Variants in SAMD5 observed in about 807,000 individuals in gnomAD.
SAMD5 encodes sterile alpha motif domain-containing protein 5.
In SAMD5, 13 loss-of-function variants were observed where a neutral mutation model predicts 11.3. That is an observed-to-expected ratio of 1.15 (90% CI 0.75 to 1.83). The LOEUF is 1.83. Ranked by LOEUF, SAMD5 falls within the 40% of genes most tolerant of loss-of-function variation. The pLI, the probability that SAMD5 is intolerant of heterozygous loss-of-function variation, is 0.00. For missense variants in SAMD5, 255 were observed against 239.1 expected, an observed-to-expected ratio of 1.07 and a Z score of -0.44; for synonymous variants, 129 against 111.3, an observed-to-expected ratio of 1.16 and a Z score of -1.00.
chr6:147,606,973 A>AG (rs1218221637), intron 1 of SAMD5, among the ~76,000 whole-genome samples: 7 of 150,854 alleles, frequency 4.6e-5, no homozygotes, highest in African/African-American at 1.7e-4. Flanking sequence ...CAAAAAAAAA[A>AG]AAAAACAGAA....
the SAMD5 span, among the ~76,000 whole-genome samples, chr6:147,920,335 T>C: frequency 1.3e-5 from 2 of 152,202 alleles, no homozygotes; most frequent in Non-Finnish European, 2.9e-5. Context: ...AGACTCAAAG[T>C]TCTATAGCTT....
At chr6:147,879,380 T>C in the SAMD5 span, among the ~76,000 whole-genome samples, 1 of 152,112 alleles carries the variant, frequency 6.6e-6, no homozygotes, top group Non-Finnish European at 1.5e-5. Flanking sequence ...GACAGATAGC[T>C]GCAACTCTGT....
intron 1 of SAMD5, among the ~76,000 whole-genome samples, chr6:147,606,255 G>A (rs1789698049): frequency 6.6e-6 from 1 of 152,146 alleles, no homozygotes; most frequent in Non-Finnish European, 1.5e-5. Flanking sequence ...GTGGCCTTCA[G>A]TGACTTTGGT....
At chr6:147,687,401 C>T (rs543947147) in intron 1 of SAMD5, among the ~76,000 whole-genome samples, 25 of 151,186 alleles carry the variant, frequency 1.7e-4, no homozygotes, top group Non-Finnish European at 2.2e-4. Context: ...CTCAGCCTCC[C>T]GAGTAGCTGG....
chr6:147,592,090 C>A (rs551458157), intron 1 of SAMD5, among the ~76,000 whole-genome samples: 1 of 152,108 alleles, frequency 6.6e-6, no homozygotes, highest in African/African-American at 2.4e-5. Flanking sequence ...TGGGCTCAAG[C>A]GATCCTCCAG....
chr6:147,615,859 G>A lies in SAMD5; in HGVS notation c.162+106472G>A, dbSNP rs1408447587. On this transcript the variant is annotated intron_variant, in intron 1 of 1. Transcript: ENST00000566741. ...TAACCACAGTTTGAAATATACCAAA[G>A]ACATAAATTCCTTTACTATGATTCT... is the stretch of plus-strand genomic sequence containing the variant. Among the ~76,000 whole-genome samples the A allele has an allele frequency of 2.0e-5, 3 of 152,218 alleles. No individual in the cohort carries two copies. In the East Asian group the frequency reaches 5.8e-4, roughly 29 times the overall value.
chr6:147,889,148 A>G, the SAMD5 span, among the ~76,000 whole-genome samples: 1 of 152,062 alleles, frequency 6.6e-6, no homozygotes, highest in Non-Finnish European at 1.5e-5. Flanking sequence ...TCCTTAGCTC[A>G]TGGATGTTGT....
intron 1 of SAMD5, among the ~76,000 whole-genome samples, chr6:147,669,420 C>CTTTT (rs55877273): frequency 2.3e-3 from 175 of 74,496 alleles, no homozygotes; most frequent in African/African-American, 5.3e-3. Flanking sequence ...AGCTCCACTT[C>CTTTT]TTTTTTTTTT....
At position 147,580,224 on chromosome 6, in the gene SAMD5, G is replaced by A. The variant is rs187438387; in HGVS notation, c.162+70837G>A. Among the ~76,000 whole-genome samples the A allele has an allele frequency of 3.3e-5, 5 of 152,324 alleles. No individual in the cohort carries two copies. In the East Asian group the frequency reaches 9.6e-4, roughly 29 times the overall value. Reference sequence around the variant, plus strand: ...TCAGGTCTTCCAGGAGGGCAGTAGTGTAACCTGAGAAAGAACCAGAGAATG... The same window carrying A: ...TCAGGTCTTCCAGGAGGGCAGTAGTATAACCTGAGAAAGAACCAGAGAATG... On this transcript the variant is annotated intron_variant, in intron 1 of 1. Coordinates refer to the SAMD5 transcript ENST00000566741.
the SAMD5 span, among the ~76,000 whole-genome samples, chr6:147,907,223 A>G: frequency 6.6e-6 from 1 of 152,170 alleles, no homozygotes; most frequent in Non-Finnish European, 1.5e-5. Context: ...GGCAGGGTAC[A>G]TTGGCTCATG....
chr6:147,748,768 T>C, the SAMD5 span, among the ~76,000 whole-genome samples: 7 of 152,354 alleles, frequency 4.6e-5, no homozygotes, highest in South Asian at 4.1e-4. Flanking sequence ...TGATGGACAG[T>C]AATTCCCTAA....
intron 1 of SAMD5, among the ~76,000 whole-genome samples, chr6:147,652,667 G>C (rs1790502976): frequency 6.6e-6 from 1 of 152,086 alleles, no homozygotes; most frequent in African/African-American, 2.4e-5. Flanking sequence ...CACAAGTATT[G>C]GGCTAGATTG....
At chr6:147,552,991 G>C (rs1788798431) in intron 1 of SAMD5, among the ~76,000 whole-genome samples, 1 of 152,148 alleles carries the variant, frequency 6.6e-6, no homozygotes, top group African/African-American at 2.4e-5. Context: ...AAGTATCTAT[G>C]CCTCCTTAGG....
At chr6:147,827,819 T>C in the SAMD5 span, among the ~76,000 whole-genome samples, 4 of 151,992 alleles carry the variant, frequency 2.6e-5, no homozygotes, top group Non-Finnish European at 5.9e-5. Context: ...AGACGGAGTC[T>C]CGCTCTGTGG....
downstream of SAMD5, among the ~76,000 whole-genome samples, chr6:147,737,858 C>T (rs1036678191): frequency 6.6e-6 from 1 of 151,234 alleles, no homozygotes; most frequent in Admixed American, 6.6e-5. Context: ...CTGCACAAGC[C>T]AGGACATCGG....
intron 1 of SAMD5, among the ~76,000 whole-genome samples, chr6:147,515,693 A>G (rs1788159855): frequency 2.0e-5 from 3 of 152,142 alleles, no homozygotes; most frequent in Admixed American, 2.0e-4. Flanking sequence ...ATTGCAAGGA[A>G]CTAGACAGAC....
the SAMD5 span, among the ~76,000 whole-genome samples, chr6:147,952,033 T>C: frequency 6.6e-6 from 1 of 152,156 alleles, no homozygotes; most frequent in Non-Finnish European, 1.5e-5. Flanking sequence ...TAGAAATTGG[T>C]TTTGGTGAGA....
chr6:147,560,402 T>C (rs377171731), intron 1 of SAMD5, among the ~76,000 whole-genome samples: 29 of 152,338 alleles, frequency 1.9e-4, no homozygotes, highest in Non-Finnish European at 3.5e-4. Flanking sequence ...ACACTCCTAC[T>C]GTCATCAATT....
chr6:147,820,916 A>G, the SAMD5 span, among the ~76,000 whole-genome samples: 1 of 152,230 alleles, frequency 6.6e-6, no homozygotes, highest in Non-Finnish European at 1.5e-5. Flanking sequence ...TGATTTGCTT[A>G]GGAAACAGCA....
Sources: gnomAD v4.1 joint callset for allele counts (sites outside exome capture counted in the v4.1 genomes callset) on GRCh38, gnomAD v4.1.1 for gene constraint, MANE v1.5 for transcripts, NCBI Gene and HGNC (gene_info 2026-07-23, HGNC 2026-07-21) for gene names.